The following ABAT variants were observed in gnomAD, a reference collection of about 807,000 sequenced individuals.
The protein encoded by ABAT is 4-aminobutyrate aminotransferase, mitochondrial.
ABAT carries 45 observed loss-of-function variants against 64.6 expected under a neutral mutation model. The observed-to-expected ratio is 0.70, with a 90% CI of 0.55 to 0.89. The LOEUF (loss-of-function observed/expected upper bound fraction) is 0.89, where lower values mean the gene tolerates loss of function less well. Among genes scored for constraint, ABAT ranks in the 40% least tolerant of loss-of-function variants. The pLI is 0.00. For missense variants in ABAT, 633 were observed against 658.4 expected (o/e 0.96, Z 0.42); for synonymous variants, 297 against 250.5 (o/e 1.19, Z -1.75).
At chr16:8,762,616 C>T (rs1345731071) in intron 6 of ABAT, among the ~76,000 whole-genome samples, 2 of 152,190 alleles carry the variant, frequency 1.3e-5, no homozygotes, top group Admixed American at 6.5e-5. Flanking sequence ...TTCTTAATGT[C>T]ACGCTTTCTC....
chr16:8,713,928 A>G (rs1308469381), intron 1 of ABAT: 1 of 456,014 alleles, frequency 2.2e-6, no homozygotes, highest in Non-Finnish European at 4.4e-6. Context: ...ATTTGCTGCC[A>G]TGGGGAGGTG....
At chr16:8,722,306 A>G (rs574940668) in intron 1 of ABAT, among the ~76,000 whole-genome samples, 7 of 151,932 alleles carry the variant, frequency 4.6e-5, no homozygotes, top group Non-Finnish European at 8.8e-5. Flanking sequence ...AGGTTTTTTT[A>G]TTTGTTATAT....
intron 1 of ABAT, chr16:8,722,846 G>T (rs926784495): frequency 1.6e-5 from 21 of 1,289,036 alleles, no homozygotes; most frequent in Non-Finnish European, 1.9e-5. Flanking sequence ...CTTCGAGGTA[G>T]GAGCAAGGCT....
intron 1 of ABAT, among the ~76,000 whole-genome samples, chr16:8,710,727 A>AGAGAGAGAGAGAGAGGAGAGGGAGG (rs146344975): frequency 2.0e-4 from 21 of 103,736 alleles, no homozygotes; most frequent in East Asian, 4.5e-4. Flanking sequence ...AGAGAGAGAG[A>AGAGAGAGAGAGAGAGGAGAGGGAGG]GAGGAAATAG....
chr16:8,678,463 C>G (rs996682186), intron 1 of ABAT, among the ~76,000 whole-genome samples: 11 of 152,224 alleles, frequency 7.2e-5, no homozygotes, highest in African/African-American at 2.4e-4. Context: ...GATAAGCAAA[C>G]TAAGCCTCAC....
chr16:8,760,938 G>T (rs1281306848), intron 6 of ABAT, among the ~76,000 whole-genome samples: 3 of 152,054 alleles, frequency 2.0e-5, no homozygotes, highest in South Asian at 4.1e-4. Context: ...AATTAGCCAG[G>T]TGTGGTGGTG....
intron 9 of ABAT, among the ~76,000 whole-genome samples, chr16:8,767,295 G>A (rs2059973350): frequency 6.6e-6 from 1 of 152,238 alleles, no homozygotes; most frequent in Non-Finnish European, 1.5e-5. Flanking sequence ...AGCTGCCATG[G>A]GAGAGTGCCC....
At chr16:8,713,774 C>T (rs2058133859) in intron 1 of ABAT, 1 of 436,350 alleles carries the variant, frequency 2.3e-6, no homozygotes, top group Admixed American at 2.4e-5. Flanking sequence ...TGAACCCAGC[C>T]AGCTGCGTTC....
chr16:8,764,843 G>GCACACACA lies in ABAT; in HGVS notation c.540+28_540+35dup, dbSNP rs35745596. 6.7e-5 allele frequency: 102 copies of GCACACACA among 1,533,288 alleles called. No homozygotes were observed. The highest frequency in any genetic ancestry group is 4.6e-4 in the East Asian group (20 of 43,366). The allele number at this position is 1,533,288 out of a possible 1,614,324, so 95.0% of individuals were successfully genotyped here. A position where few individuals can be genotyped will look rare whatever the true frequency, so the allele number is the denominator to read the frequency against. ...CATGTGGTACCGGGTGAGGTTTGGG[G>GCACACACA]CACACACACACACACACACACAGGC... On this transcript the variant is annotated intron_variant, in intron 8 of 15. Transcript: ENST00000268251. The surrounding 1 kb of genome is among the most constrained non-coding windows in gnomAD (Gnocchi z 4.2).
chr16:8,768,082 G>A, intron 9 of ABAT, 111 bp from the exon 10 acceptor site: 1 of 1,200,676 alleles, frequency 8.3e-7, no homozygotes. Flanking sequence ...GCCTGAGAAG[G>A]ATTCCTGGTT....
At chr16:8,768,758 C>T (rs2060017631) in intron 10 of ABAT, 67 bp from the exon 11 acceptor site, 2 of 1,609,552 alleles carry the variant, frequency 1.2e-6, no homozygotes, top group South Asian at 1.1e-5. Flanking sequence ...CTATCATCTC[C>T]TTTACAAAGA....
At chr16:8,775,917 C>T (rs1380104118) in intron 13 of ABAT, among the ~76,000 whole-genome samples, 1 of 152,168 alleles carries the variant, frequency 6.6e-6, no homozygotes, top group East Asian at 1.9e-4. Flanking sequence ...CTTTGAGGGT[C>T]ACTGCCAGCA....
intron 5 of ABAT, among the ~76,000 whole-genome samples, chr16:8,754,448 C>T: frequency 6.6e-6 from 1 of 152,074 alleles, no homozygotes; most frequent in East Asian, 1.9e-4. Context: ...TCTGGAAAGT[C>T]CTCAGGCATG....
chr16:8,758,255 C>A (rs183341223), intron 6 of ABAT, among the ~76,000 whole-genome samples: 33 of 152,264 alleles, frequency 2.2e-4, no homozygotes, highest in African/African-American at 7.2e-4. Flanking sequence ...CCCGAGGTCA[C>A]ACAGCTAGTG....
At position 8,772,685 on chromosome 16, in the gene ABAT, A is replaced by T. The variant is rs2060147756; in HGVS notation, c.817-95A>T. On this transcript the variant is annotated intron_variant, in intron 11 of 15. Coordinates refer to ENST00000268251, the MANE Select transcript of ABAT (RefSeq NM_020686.6). Reference sequence around the variant, plus strand: ...AATGCACACAAACACATTTCCAATAAAATTGCATGGGGCTCATCGAACCCC... The same window carrying T: ...AATGCACACAAACACATTTCCAATATAATTGCATGGGGCTCATCGAACCCC... 4.6e-6 allele frequency: 7 copies of T among 1,538,102 alleles called. No homozygotes were observed. In the Middle Eastern group the frequency reaches 5.2e-4, roughly 114 times the overall value.
chr16:8,782,239 A>C lies in ABAT; in HGVS notation c.*809A>C, dbSNP rs1415196098. The stretch of plus-strand genomic sequence containing the variant: ...AGGAAACTGTAGCCTGAGTGTCCAC[A>C]GGGACACACGTGAGCCACAGGGCTA... On this transcript the variant is annotated 3_prime_UTR_variant, in exon 16 of 16. Coordinates refer to ENST00000268251, the MANE Select transcript of ABAT (RefSeq NM_020686.6). 1 of 152,688 alleles carries C rather than the reference A, an allele frequency of 6.5e-6. No homozygotes were observed. Among genetic ancestry groups the C allele is most frequent in the Admixed American group, 6.5e-5 (1 of 15,310 alleles). 9.5% of individuals were successfully genotyped at this position (152,688 alleles called of 1,614,324 possible). A position where few individuals can be genotyped will look rare whatever the true frequency, so the allele number is the denominator to read the frequency against.
intron 1 of ABAT, among the ~76,000 whole-genome samples, chr16:8,696,349 G>A (rs1037626402): frequency 4.6e-5 from 7 of 152,178 alleles, no homozygotes; most frequent in Non-Finnish European, 8.8e-5. Context: ...CAGGCTAGGC[G>A]TGGTGGCTCA....
intron 1 of ABAT, among the ~76,000 whole-genome samples, chr16:8,734,117 T>G (rs1661626203): frequency 1.3e-5 from 2 of 152,212 alleles, no homozygotes; most frequent in Non-Finnish European, 2.9e-5. Flanking sequence ...ACCTCACTTC[T>G]GGAGCCTCAG....
chr16:8,779,791 G>T (rs149892397), intron 15 of ABAT, among the ~76,000 whole-genome samples: 1 of 152,130 alleles, frequency 6.6e-6, no homozygotes, highest in South Asian at 2.1e-4. Flanking sequence ...CTCAACAAGC[G>T]TTCGCTGAGG....
Sources: allele counts gnomAD v4.1 joint callset (sites outside exome capture counted in the v4.1 genomes callset), GRCh38; gene constraint gnomAD v4.1.1; non-coding constraint Gnocchi (gnomAD v3.1); transcripts MANE v1.5; gene names NCBI Gene and HGNC (gene_info 2026-07-23, HGNC 2026-07-21).